Variants in MSI2 observed in about 807,000 individuals in gnomAD.
MSI2 encodes the protein RNA-binding protein Musashi homolog 2.
MSI2 carries 17 observed loss-of-function variants against 45.6 expected under a neutral mutation model. The ratio of observed to expected loss-of-function variants is 0.37; its 90% CI spans 0.26 to 0.56. The LOEUF (loss-of-function observed/expected upper bound fraction) is 0.56, where lower values mean the gene tolerates loss of function less well. Ranked by LOEUF, MSI2 falls within the 20% of genes least tolerant of loss-of-function variation. MSI2 has a pLI of 0.77. For synonymous variants in MSI2, 156 were observed against 158.2 expected (o/e 0.99, Z 0.11); for missense variants, 293 against 444.2 (o/e 0.66, Z 3.06).
At chr17:57,502,947 G>C (rs1567863056) in intron 6 of MSI2, among the ~76,000 whole-genome samples, 1 of 152,086 alleles carries the variant, frequency 6.6e-6, no homozygotes, top group East Asian at 1.9e-4. Context: ...TAATTGCTTT[G>C]TTTGTTCTGT....
chr17:57,389,539 A>T (rs905065569), intron 5 of MSI2, among the ~76,000 whole-genome samples: 2 of 152,190 alleles, frequency 1.3e-5, no homozygotes, highest in Admixed American at 1.3e-4. Context: ...CCATACTAGA[A>T]CTAACACAGG....
At chr17:57,403,015 C>T (rs1024791329) in intron 6 of MSI2, among the ~76,000 whole-genome samples, 17 of 152,176 alleles carry the variant, frequency 1.1e-4, no homozygotes, top group African/African-American at 4.1e-4. Flanking sequence ...GAGACAGGTC[C>T]GGCTTGCATA....
chr17:57,346,349 G>T (rs962322411), intron 5 of MSI2, among the ~76,000 whole-genome samples: 18 of 46,336 alleles, frequency 3.9e-4, no homozygotes, highest in African/African-American at 7.3e-4. Context: ...AACACATTTT[G>T]GGGGGGGGGG....
chr17:57,569,235 A>G (rs2087812237), intron 7 of MSI2, among the ~76,000 whole-genome samples: 1 of 152,204 alleles, frequency 6.6e-6, no homozygotes. Context: ...GGAATGGGAA[A>G]TAGAGGGGCC....
At chr17:57,340,265 C>G (rs989559642) in intron 5 of MSI2, among the ~76,000 whole-genome samples, 1 of 152,250 alleles carries the variant, frequency 6.6e-6, no homozygotes, top group South Asian at 2.1e-4. Context: ...GGCCTCCAGA[C>G]GCACCTCCTC....
At chr17:57,375,448 T>C (rs1475540957) in intron 5 of MSI2, among the ~76,000 whole-genome samples, 2 of 152,160 alleles carry the variant, frequency 1.3e-5, no homozygotes, top group Admixed American at 6.5e-5. Context: ...GGGTGAAGCC[T>C]TGCCAGGAAA....
chr17:57,439,669 C>T (rs1203864023), intron 6 of MSI2, among the ~76,000 whole-genome samples: 1 of 152,034 alleles, frequency 6.6e-6, no homozygotes. Context: ...AGTGATTCTC[C>T]TGCCTCAGCC....
At chr17:57,396,518 T>C (rs1231300337) in intron 5 of MSI2, among the ~76,000 whole-genome samples, 1 of 152,098 alleles carries the variant, frequency 6.6e-6, no homozygotes, top group African/African-American at 2.4e-5. Context: ...ACACATTTTT[T>C]AAAAGGGAAT....
chr17:57,324,922 G>A (rs1913659589), intron 5 of MSI2, among the ~76,000 whole-genome samples: 2 of 152,194 alleles, frequency 1.3e-5, no homozygotes, highest in South Asian at 4.1e-4. Flanking sequence ...AGGAGAGCAA[G>A]GCAGGCATGC....
At chr17:57,499,471 G>C (rs776567853) in intron 6 of MSI2, among the ~76,000 whole-genome samples, 16 of 151,166 alleles carry the variant, frequency 1.1e-4, no homozygotes, top group Non-Finnish European at 2.1e-4. Flanking sequence ...ACAAAATCAA[G>C]GGCAGACTTG....
chr17:57,625,041 C>A (rs117420022), intron 9 of MSI2, among the ~76,000 whole-genome samples: 1 of 152,124 alleles, frequency 6.6e-6, no homozygotes, highest in African/African-American at 2.4e-5. Flanking sequence ...CGTGTCCTCA[C>A]GTGTTGGAAG....
At chr17:57,268,828 C>G (rs1454761664) in intron 5 of MSI2, among the ~76,000 whole-genome samples, 2 of 151,828 alleles carry the variant, frequency 1.3e-5, no homozygotes, top group African/African-American at 4.9e-5. Flanking sequence ...GAGCGAGACT[C>G]CATCTCAAAC....
chr17:57,283,896 G>A (rs933187003), intron 5 of MSI2, among the ~76,000 whole-genome samples: 1 of 152,222 alleles, frequency 6.6e-6, no homozygotes, highest in Non-Finnish European at 1.5e-5. Context: ...AAGCACTCAC[G>A]TTGTGCCCAG....
rs1182348565 is a variant in MSI2, at chr17:57,652,887, T to C, written c.790+726T>C. Among the ~76,000 whole-genome samples, 2 of 152,154 alleles carry C rather than the reference T, an allele frequency of 1.3e-5. No individual in the cohort carries two copies. The highest frequency in any genetic ancestry group is 2.9e-5 in the Non-Finnish European group (2 of 68,016). On this transcript the variant is annotated intron_variant, in intron 11 of 13. Transcript: ENST00000284073. The surrounding 1 kb of genome is among the most constrained non-coding windows in gnomAD (Gnocchi z 4.1). ...GGCCAGAGCTGGGATATGTCCAGGG[T>C]GCCCGGGGTCCCTTTTGTCCCTCTC...
At chr17:57,430,392 T>A (rs896205967) in intron 6 of MSI2, among the ~76,000 whole-genome samples, 2 of 152,208 alleles carry the variant, frequency 1.3e-5, no homozygotes, top group African/African-American at 4.8e-5. Context: ...TGGTAATCAG[T>A]GTCCACACTG....
chr17:57,658,069 A>G (rs889918829), intron 11 of MSI2, among the ~76,000 whole-genome samples: 10 of 152,210 alleles, frequency 6.6e-5, no homozygotes, highest in African/African-American at 2.4e-4. Context: ...CCTGTGCTTC[A>G]TGAGCAAGAT....
At chr17:57,257,011 C>T (rs370360535) in intron 1 of MSI2, 87 bp from the exon 2 acceptor site, 5 of 1,604,694 alleles carry the variant, frequency 3.1e-6, no homozygotes, top group South Asian at 1.1e-5. Flanking sequence ...TCGCTCCCCC[C>T]CGCTTTCCTT....
At chr17:57,410,783 T>G (rs1236946148) in intron 6 of MSI2, among the ~76,000 whole-genome samples, 1 of 152,038 alleles carries the variant, frequency 6.6e-6, no homozygotes, top group Admixed American at 6.6e-5. Context: ...GCTTATAGAG[T>G]GTTAGTATTG....
At chr17:57,334,592 G>A (rs886356303) in intron 5 of MSI2, among the ~76,000 whole-genome samples, 3 of 152,118 alleles carry the variant, frequency 2.0e-5, no homozygotes, top group Non-Finnish European at 2.9e-5. Context: ...TCAGGAGTTC[G>A]AGACCAGCCT....
Sources: allele counts gnomAD v4.1 joint callset (sites outside exome capture counted in the v4.1 genomes callset), GRCh38; gene constraint gnomAD v4.1.1; non-coding constraint Gnocchi (gnomAD v3.1); transcripts MANE v1.5; gene names NCBI Gene and HGNC (gene_info 2026-07-23, HGNC 2026-07-21).